MTUS2: variants seen among roughly 807,000 people sequenced by gnomAD.
The protein encoded by MTUS2 is microtubule-associated tumor suppressor candidate 2.
MTUS2 carries 40 observed loss-of-function variants against 114.1 expected under a neutral mutation model. That is an observed-to-expected ratio of 0.35 (90% CI 0.27 to 0.46). MTUS2 has a LOEUF of 0.46. MTUS2 is among the 20% of genes least tolerant of loss of function. MTUS2 has a pLI of 1.00. For missense variants in MTUS2, 1,679 were observed against 1,705.4 expected (o/e 0.98, Z 0.27); for synonymous variants, 688 against 672.0 (o/e 1.02, Z -0.37).
Position 29,456,940 on chromosome 13 carries a change from AT to A in MTUS2, c.3184+16892del, listed in dbSNP as rs1263886156. Among the ~76,000 whole-genome samples, 7 of 152,094 alleles carry A rather than the reference AT, an allele frequency of 4.6e-5. No homozygotes were observed. The East Asian group carries it at 1.4e-3, about 29-fold the overall frequency. ...ATCACGAGGTCAGGAGATGGAGACC[AT>A]CCTGGCTAACATGGTGAAACCCCGT... On this transcript the variant is annotated intron_variant, in intron 9 of 15. Transcript: ENST00000612955.
At chr13:28,947,144 C>T (rs375218598) in intron 2 of MTUS2, among the ~76,000 whole-genome samples, 10 of 151,876 alleles carry the variant, frequency 6.6e-5, no homozygotes, top group African/African-American at 2.2e-4. Flanking sequence ...TTTTATATTA[C>T]TTTATCCGAC....
At chr13:29,100,699 T>C (rs1352888863) in intron 4 of MTUS2, 74 bp from the exon 5 acceptor site, 2 of 1,495,392 alleles carry the variant, frequency 1.3e-6, no homozygotes, top group African/African-American at 2.8e-5. Context: ...TGGGTTCGAA[T>C]TCATAATCTG....
chr13:29,016,949 A>T (rs904200273), intron 2 of MTUS2, among the ~76,000 whole-genome samples: 3 of 152,220 alleles, frequency 2.0e-5, no homozygotes, highest in African/African-American at 7.2e-5. Context: ...CAGAGCATCA[A>T]GTGTTAGATT....
intron 8 of MTUS2, among the ~76,000 whole-genome samples, chr13:29,366,923 T>A (rs1378713621): frequency 6.6e-6 from 1 of 152,128 alleles, no homozygotes; most frequent in East Asian, 1.9e-4. Context: ...TGTAGCAGTT[T>A]GTGATGTGAG....
intron 8 of MTUS2, among the ~76,000 whole-genome samples, chr13:29,418,330 C>G (rs758530023): frequency 6.6e-6 from 1 of 152,108 alleles, no homozygotes; most frequent in African/African-American, 2.4e-5. Context: ...TCCAGCTTCC[C>G]CTTCATTCAA....
chr13:29,354,507 A>G (rs1178635260), intron 7 of MTUS2, among the ~76,000 whole-genome samples: 1 of 152,164 alleles, frequency 6.6e-6, no homozygotes, highest in African/African-American at 2.4e-5. Flanking sequence ...AGTGGGTTAT[A>G]TGAACAAAGT....
intron 4 of MTUS2, among the ~76,000 whole-genome samples, chr13:29,052,962 C>T (rs978537717): frequency 1.3e-5 from 2 of 152,186 alleles, no homozygotes; most frequent in Non-Finnish European, 2.9e-5. Flanking sequence ...TCACTGGGCA[C>T]TCATTCTCTC....
In MTUS2 at chr13:29,480,472, T is replaced by G. The variant is rs73446185; in HGVS notation, c.3399+108T>G. 9.6e-3 allele frequency: 11,509 copies of G among 1,199,910 alleles called. 851 individuals are homozygous for G. In the African/African-American group the frequency reaches 0.16, roughly 16 times the overall value. The allele number at this position is 1,199,910 out of a possible 1,614,324, so 74.3% of individuals were successfully genotyped here. ...AGTCCTATTCAGTAGGTGAGCTTTC[T>G]GAACAGTTCACTTTCTGAGTTGCTT... On this transcript the variant is annotated intron_variant, in intron 10 of 15. Transcript: ENST00000612955. This position sits in a 1 kb window ranked among gnomAD's most constrained non-coding sequence, Gnocchi z 4.4.
intron 9 of MTUS2, among the ~76,000 whole-genome samples, chr13:29,450,824 CAGGAATATTGCT>C (rs1878630401): frequency 1.3e-5 from 2 of 152,084 alleles, no homozygotes; most frequent in African/African-American, 4.8e-5. Context: ...ACTTCAGAGC[CAGGAATATTGCT>C]AGGAATGAAG....
chr13:28,969,811 G>A (rs1883771576), intron 2 of MTUS2, among the ~76,000 whole-genome samples: 1 of 149,952 alleles, frequency 6.7e-6, no homozygotes, highest in East Asian at 2.0e-4. Flanking sequence ...CTGAAGTTTT[G>A]CTCTTTTTGC....
In MTUS2 at chr13:29,389,442, T is replaced by TATACAC. The variant is rs1431180458; in HGVS notation, c.3117+29969_3117+29970insATACAC. Among the ~76,000 whole-genome samples the TATACAC allele has an allele frequency of 9.3e-3, 1,049 of 112,704 alleles. 69 individuals are homozygous for TATACAC. Among genetic ancestry groups the TATACAC allele is most frequent in the Non-Finnish European group, 0.015 (764 of 51,928 alleles). 73.9% of individuals were successfully genotyped at this position (112,704 alleles called of 152,430 possible). Reference sequence around the variant, plus strand: ...GTGTATGTATACACGTGTGTGTATGTGTATGTATACACGTGTGTGTATGTG... The same window carrying TATACAC: ...GTGTATGTATACACGTGTGTGTATGTATACACGTATGTATACACGTGTGTGTATGTG... On this transcript the variant is annotated intron_variant, in intron 8 of 15. Transcript: ENST00000612955.
intron 5 of MTUS2, among the ~76,000 whole-genome samples, chr13:29,176,213 A>G (rs1313138355): frequency 6.6e-6 from 1 of 152,084 alleles, no homozygotes; most frequent in East Asian, 1.9e-4. Flanking sequence ...CCCTGACTGT[A>G]CTGCTCTTTT....
intron 2 of MTUS2, among the ~76,000 whole-genome samples, chr13:28,877,628 G>C (rs1878026570): frequency 1.3e-5 from 2 of 152,166 alleles, no homozygotes; most frequent in Non-Finnish European, 2.9e-5. Flanking sequence ...AGTGAATTTG[G>C]TGTGAGATTA....
intron 5 of MTUS2, among the ~76,000 whole-genome samples, chr13:29,208,089 C>A (rs1895268535): frequency 6.6e-6 from 1 of 151,996 alleles, no homozygotes; most frequent in African/African-American, 2.4e-5. Context: ...TTTTTATTAT[C>A]ATTTCAGTCT....
intron 2 of MTUS2, among the ~76,000 whole-genome samples, chr13:28,874,519 G>C (rs1218364331): frequency 6.6e-6 from 1 of 152,132 alleles, no homozygotes; most frequent in Non-Finnish European, 1.5e-5. Flanking sequence ...GGTGTGGCTA[G>C]GCTGGAATGG....
intron 8 of MTUS2, among the ~76,000 whole-genome samples, chr13:29,394,207 T>C (rs1456266123): frequency 6.6e-6 from 1 of 152,192 alleles, no homozygotes; most frequent in East Asian, 1.9e-4. Flanking sequence ...TCTCATAATG[T>C]CCTGAGAACA....
intron 2 of MTUS2, among the ~76,000 whole-genome samples, chr13:28,901,357 T>C (rs1879634159): frequency 1.3e-5 from 2 of 152,340 alleles, no homozygotes; most frequent in South Asian, 4.1e-4. Context: ...AGCAAAACTT[T>C]TTAATTTTGG....
At chr13:29,158,561 C>T (rs1892969480) in intron 5 of MTUS2, among the ~76,000 whole-genome samples, 1 of 151,568 alleles carries the variant, frequency 6.6e-6, no homozygotes, top group South Asian at 2.1e-4. Flanking sequence ...GCAAGGAAGA[C>T]ATGGAAGAAA....
chr13:29,182,613 G>C (rs1894054067), intron 5 of MTUS2, among the ~76,000 whole-genome samples: 1 of 152,160 alleles, frequency 6.6e-6, no homozygotes, highest in East Asian at 1.9e-4. Flanking sequence ...AGAGAGAAGA[G>C]AGGAAAAAAC....
Sources: gnomAD v4.1 joint callset for allele counts (sites outside exome capture counted in the v4.1 genomes callset) on GRCh38, gnomAD v4.1.1 for gene constraint, Gnocchi (gnomAD v3.1) non-coding constraint, MANE v1.5 for transcripts, NCBI Gene and HGNC (gene_info 2026-07-23, HGNC 2026-07-21) for gene names.